The following KLHL5 variants were observed in gnomAD, a reference collection of about 807,000 sequenced individuals.
The protein encoded by KLHL5 is kelch like family member 5.
In KLHL5, 48 loss-of-function variants were observed where a neutral mutation model predicts 77.7. That is an observed-to-expected ratio of 0.62 (90% CI 0.49 to 0.79). The LOEUF is 0.79. Ranked by LOEUF, KLHL5 falls within the 30% of genes least tolerant of loss-of-function variation. KLHL5 has a pLI of 0.00. For missense variants in KLHL5, 723 were observed against 859.7 expected (o/e 0.84, Z 1.99); for synonymous variants, 260 against 297.0 (o/e 0.88, Z 1.28).
At chr4:39,083,308 A>C (rs1382683875) in intron 4 of KLHL5, among the ~76,000 whole-genome samples, 2 of 152,198 alleles carry the variant, frequency 1.3e-5, no homozygotes, top group Non-Finnish European at 1.5e-5. Flanking sequence ...GGCATGTCAT[A>C]TATCCAGTCA....
rs1450433565 is a variant in KLHL5, at chr4:39,062,626, C to T, written c.-27C>T. 3 of 1,613,970 alleles carry T rather than the reference C, an allele frequency of 1.9e-6. No individual in the cohort carries two copies. Among genetic ancestry groups the T allele is most frequent in the African/African-American group, 1.3e-5 (1 of 74,888 alleles). On this transcript the variant is annotated 5_prime_UTR_variant, in exon 1 of 11. Coordinates refer to ENST00000504108, the MANE Select transcript of KLHL5 (RefSeq NM_015990.5). Reference sequence around the variant, plus strand: ...GTGTGCAGTGCTTTTTGCCCGTTGCCTAGACGATCACTTGGTTTCTCTGAG... The same window carrying T: ...GTGTGCAGTGCTTTTTGCCCGTTGCTTAGACGATCACTTGGTTTCTCTGAG...
chr4:39,086,441 C>T, intron 4 of KLHL5, 74 bp from the exon 5 acceptor site: 2 of 1,156,728 alleles, frequency 1.7e-6, no homozygotes, highest in Non-Finnish European at 2.6e-6. Flanking sequence ...ATATAAAAAG[C>T]TTTTACTTTC....
chr4:39,139,102 T>A, the KLHL5 span, among the ~76,000 whole-genome samples: 1 of 151,734 alleles, frequency 6.6e-6, no homozygotes, highest in Non-Finnish European at 1.5e-5. Context: ...TCCAACATGG[T>A]GAAACCCCCT....
At chr4:39,067,379 A>G (rs920109699) in intron 1 of KLHL5, among the ~76,000 whole-genome samples, 2 of 152,182 alleles carry the variant, frequency 1.3e-5, no homozygotes, top group Non-Finnish European at 2.9e-5. Context: ...CATCATATCA[A>G]AGATACACAC....
At chr4:39,091,843 T>TG (rs1553891346) in intron 5 of KLHL5, among the ~76,000 whole-genome samples, 1,118 of 64,844 alleles carry the variant, frequency 0.017, 47 homozygotes, top group Admixed American at 0.12. Context: ...ATCTGACTAG[T>TG]TTTTTTTTTT....
chr4:39,091,023 T>C (rs1451374434), intron 5 of KLHL5, among the ~76,000 whole-genome samples: 1 of 149,884 alleles, frequency 6.7e-6, no homozygotes, highest in African/African-American at 2.5e-5. Flanking sequence ...AGTCTCACTC[T>C]GTTGCACAGG....
intron 5 of KLHL5, among the ~76,000 whole-genome samples, chr4:39,091,982 G>T (rs1004060079): frequency 1.3e-5 from 2 of 150,054 alleles, no homozygotes; most frequent in East Asian, 3.9e-4. Context: ...ACCTCGCCCA[G>T]CCTCCAAAAC....
At chr4:39,103,659 T>C in intron 7 of KLHL5, 148 bp downstream of exon 7, 1 of 657,130 alleles carries the variant, frequency 1.5e-6, no homozygotes, top group South Asian at 1.9e-5. Context: ...AAGAATTTGG[T>C]AGGTCATCAT....
At chr4:39,128,936 G>A (rs1723684440), downstream of KLHL5, among the ~76,000 whole-genome samples, 1 of 152,120 alleles carries the variant, frequency 6.6e-6, no homozygotes, top group Non-Finnish European at 1.5e-5. Flanking sequence ...GGGTGACAGA[G>A]TGAGACCTTG....
At chr4:39,142,022 T>G in the KLHL5 span, among the ~76,000 whole-genome samples, 1 of 152,280 alleles carries the variant, frequency 6.6e-6, no homozygotes, top group East Asian at 1.9e-4. Context: ...CCATTATCAC[T>G]CACGACCACC....
chr4:39,102,439 G>A (rs1721661402), intron 6 of KLHL5, among the ~76,000 whole-genome samples: 1 of 149,994 alleles, frequency 6.7e-6, no homozygotes, highest in Non-Finnish European at 1.5e-5. Context: ...GCAACTTCCT[G>A]AACTCCCTAC....
chr4:39,075,900 T>A (rs1718982667), intron 1 of KLHL5, 65 bp from the exon 2 acceptor site: 14 of 1,365,742 alleles, frequency 1.0e-5, no homozygotes, highest in Non-Finnish European at 1.4e-5. Context: ...TCAAAAGACT[T>A]AATAGGAAAG....
At chr4:39,050,537 G>A (rs756862740) in intron 1 of KLHL5, among the ~76,000 whole-genome samples, 7 of 152,030 alleles carry the variant, frequency 4.6e-5, no homozygotes, top group Non-Finnish European at 1.0e-4. Context: ...CTATTTTGCT[G>A]TTACATGGAT....
At chr4:39,088,333 G>A (rs765502538) in intron 5 of KLHL5, among the ~76,000 whole-genome samples, 2 of 152,124 alleles carry the variant, frequency 1.3e-5, no homozygotes, top group South Asian at 2.1e-4. Flanking sequence ...TCATTTGTTC[G>A]AACACCTGTT....
chr4:39,110,539 G>A (rs1722378990), intron 8 of KLHL5, among the ~76,000 whole-genome samples: 1 of 152,172 alleles, frequency 6.6e-6, no homozygotes, highest in South Asian at 2.1e-4. Flanking sequence ...GCTCACTGCA[G>A]CCTCAACCTC....
intron 1 of KLHL5, among the ~76,000 whole-genome samples, chr4:39,053,745 C>A (rs924105525): frequency 6.6e-6 from 1 of 152,128 alleles, no homozygotes; most frequent in African/African-American, 2.4e-5. Context: ...ATAACTTTTA[C>A]AGGTGAGCTT....
At chr4:39,063,175 T>G in intron 1 of KLHL5, 140 bp downstream of exon 1, 1 of 587,302 alleles carries the variant, frequency 1.7e-6, no homozygotes, top group Non-Finnish European at 2.7e-6. Flanking sequence ...GGTATGAACA[T>G]GTGATACTTC....
chr4:39,057,597 A>G (rs1717088598), upstream of KLHL5, among the ~76,000 whole-genome samples: 1 of 152,186 alleles, frequency 6.6e-6, no homozygotes, highest in Admixed American at 6.5e-5. Flanking sequence ...TAATTTGACA[A>G]AGTTTAAAAA....
At chr4:39,110,049 G>C (rs1187635719) in intron 8 of KLHL5, among the ~76,000 whole-genome samples, 1 of 152,054 alleles carries the variant, frequency 6.6e-6, no homozygotes, top group Non-Finnish European at 1.5e-5. Flanking sequence ...TTAAGCCACT[G>C]GCTGGCAAAT....
Sources: gnomAD v4.1 joint callset for allele counts (sites outside exome capture counted in the v4.1 genomes callset) on GRCh38, gnomAD v4.1.1 for gene constraint, MANE v1.5 for transcripts, NCBI Gene and HGNC (gene_info 2026-07-23, HGNC 2026-07-21) for gene names.